ASB4: variants seen among roughly 807,000 people sequenced by gnomAD.
ASB4 encodes ankyrin repeat and SOCS box protein 4.
Under a neutral mutation model 38.6 loss-of-function variants are expected in ASB4, and 35 were observed. The ratio of observed to expected loss-of-function variants is 0.91; its 90% CI spans 0.69 to 1.20. The LOEUF (loss-of-function observed/expected upper bound fraction) is 1.20. Ranked by LOEUF, ASB4 falls within the 50% of genes most tolerant of loss-of-function variation. ASB4 has a pLI of 0.00. For missense variants in ASB4, 557 were observed against 527.2 expected, an observed-to-expected ratio of 1.06 and a Z score of -0.55; for synonymous variants, 195 against 201.3, an observed-to-expected ratio of 0.97 and a Z score of 0.26.
At chr7:95,481,467 T>C (rs137946470), upstream of ASB4, among the ~76,000 whole-genome samples, 24 of 152,342 alleles carry the variant, frequency 1.6e-4, no homozygotes, top group Non-Finnish European at 3.1e-4. Flanking sequence ...TCCATTTCTG[T>C]AATAGCAAGG....
At position 95,528,111 on chromosome 7, in the gene ASB4, C is replaced by T. The variant is rs1410380602; in HGVS notation, c.786C>T (p.Asn262=). ...FKSPLHKAAW[N]CDHVLMHMML... ...CTCCCCTCCACAAGGCAGCCTGGAA[C>T]TGTGACCACGTGCTCATGCACATGA... Residue 262 remains asparagine (N), a synonymous_variant, in exon 3 of 5, where the codon AAC becomes AAT. Transcript: ENST00000325885. The T allele has an allele frequency of 6.2e-7, 1 of 1,614,218 alleles. No homozygotes were observed. The highest frequency in any genetic ancestry group is 2.2e-5 in the East Asian group (1 of 44,864).
chr7:95,549,930 C>A, the ASB4 span, among the ~76,000 whole-genome samples: 1 of 152,142 alleles, frequency 6.6e-6, no homozygotes, highest in Admixed American at 6.5e-5. Flanking sequence ...CAGCAAGGAG[C>A]ACTGGTGTTA....
Position 95,539,288 on chromosome 7 carries a change from C to T in ASB4, c.*1529C>T, listed in dbSNP as rs1162715459. On this transcript the variant is annotated 3_prime_UTR_variant, in exon 5 of 5. Transcript: ENST00000325885. Reference sequence around the variant, plus strand: ...TAGGCTATCATTTAATGTTAACTGGCAATCACCTAACTGGTTAATCTCAGT... The same window carrying T: ...TAGGCTATCATTTAATGTTAACTGGTAATCACCTAACTGGTTAATCTCAGT... The T allele has an allele frequency of 6.6e-6, 1 of 152,150 alleles. No homozygotes were observed. Among genetic ancestry groups the T allele is most frequent in the Non-Finnish European group, 1.5e-5 (1 of 68,026 alleles). The allele number at this position is 152,150 out of a possible 1,614,324, so 9.4% of individuals were successfully genotyped here.
Position 95,527,980 on chromosome 7 carries a change from G to GC in ASB4, c.658dup (p.Leu220ProfsTer4), listed in dbSNP as rs1391686260. 18 of 1,614,044 alleles carry GC rather than the reference G, an allele frequency of 1.1e-5. No individual in the cohort carries two copies. The highest frequency in any genetic ancestry group is 1.4e-5 in the Non-Finnish European group (17 of 1,180,018). ...CCCCCTGGCCATCGCCGCCTACTGG[G>GC]CCCTCCGCTTTAAGGAGCAGGAGTA... On this transcript the variant is annotated frameshift_variant, in exon 3 of 5. Transcript: ENST00000325885. LOFTEE classifies it high-confidence loss of function.
chr7:95,535,963 C>T (rs1790883894), intron 3 of ASB4, among the ~76,000 whole-genome samples: 2 of 152,110 alleles, frequency 1.3e-5, no homozygotes, highest in African/African-American at 4.8e-5. Flanking sequence ...GAAGAGTTTC[C>T]CAGGCAGCTG....
chr7:95,498,277 C>T (rs185115121), intron 2 of ASB4, among the ~76,000 whole-genome samples: 6 of 152,168 alleles, frequency 3.9e-5, no homozygotes, highest in African/African-American at 1.2e-4. Context: ...TTGAGTTCAG[C>T]GTGGGCAACA....
intron 2 of ASB4, among the ~76,000 whole-genome samples, chr7:95,503,926 T>A (rs1306887784): frequency 6.6e-6 from 1 of 152,196 alleles, no homozygotes; most frequent in Admixed American, 6.5e-5. Flanking sequence ...TTTGTCCCCA[T>A]GCTGGATTTT....
At chr7:95,507,804 G>C (rs559887479) in intron 2 of ASB4, among the ~76,000 whole-genome samples, 130 of 152,280 alleles carry the variant, frequency 8.5e-4, no homozygotes, top group African/African-American at 3.0e-3. Flanking sequence ...GAGTATGTCA[G>C]GAAGGAGGGA....
At chr7:95,507,613 G>T (rs1266041368) in intron 2 of ASB4, among the ~76,000 whole-genome samples, 3 of 152,098 alleles carry the variant, frequency 2.0e-5, no homozygotes, top group Non-Finnish European at 2.9e-5. Flanking sequence ...AGACTGTTTT[G>T]CTTGGCAGAG....
intron 2 of ASB4, among the ~76,000 whole-genome samples, chr7:95,515,209 CTTTCTTTCTTTCTTTCTTTCTT>C (rs1790546771): frequency 1.5e-5 from 2 of 129,514 alleles, no homozygotes; most frequent in African/African-American, 7.0e-5. Flanking sequence ...TTCTTTCTTT[CTTTCTTTCTTTCTTTCTTTCTT>C]TTTCTTTCTT....
intron 3 of ASB4, chr7:95,528,515 A>T: frequency 7.0e-7 from 1 of 1,428,840 alleles, no homozygotes; most frequent in Non-Finnish European, 9.1e-7. Context: ...AGCTAGAATG[A>T]GAAAAAGAGT....
chr7:95,547,610 T>C, the ASB4 span, among the ~76,000 whole-genome samples: 1 of 152,266 alleles, frequency 6.6e-6, no homozygotes, highest in African/African-American at 2.4e-5. Context: ...TTTTGTGTGT[T>C]AACTTGGCTA....
At chr7:95,545,971 G>T in the ASB4 span, among the ~76,000 whole-genome samples, 1 of 152,184 alleles carries the variant, frequency 6.6e-6, no homozygotes, top group African/African-American at 2.4e-5. Flanking sequence ...AATCATAAAA[G>T]AATTAGTTAT....
At chr7:95,530,323 G>T (rs1320258810) in intron 3 of ASB4, among the ~76,000 whole-genome samples, 1 of 152,038 alleles carries the variant, frequency 6.6e-6, no homozygotes, top group African/African-American at 2.4e-5. Context: ...AAATTAGCTG[G>T]GTGTTGTGGC....
Position 95,539,684 on chromosome 7 carries a change from A to C in ASB4, c.*1925A>C, listed in dbSNP as rs1408055235. 1 of 152,394 alleles carries C rather than the reference A, an allele frequency of 6.6e-6. No individual in the cohort carries two copies. Among genetic ancestry groups the C allele is most frequent in the Non-Finnish European group, 1.5e-5 (1 of 68,188 alleles). 9.4% of individuals were successfully genotyped at this position (152,394 alleles called of 1,614,324 possible). Reference sequence around the variant, plus strand: ...ACTTATAAGTGGGAGCTAAGCAATGAGGATGCAAAGACATCCAGAGTGATA... The same window carrying C: ...ACTTATAAGTGGGAGCTAAGCAATGCGGATGCAAAGACATCCAGAGTGATA... On this transcript the variant is annotated 3_prime_UTR_variant, in exon 5 of 5. Coordinates refer to ENST00000325885, the MANE Select transcript of ASB4 (RefSeq NM_016116.3).
chr7:95,499,147 T>G (rs1030935680), intron 2 of ASB4, among the ~76,000 whole-genome samples: 3 of 152,196 alleles, frequency 2.0e-5, no homozygotes, highest in African/African-American at 7.2e-5. Flanking sequence ...AGTGAAAATG[T>G]CAAGGATGCA....
the ASB4 span, among the ~76,000 whole-genome samples, chr7:95,549,971 G>C: frequency 1.3e-5 from 2 of 152,178 alleles, no homozygotes; most frequent in South Asian, 2.1e-4. Context: ...CACAGGGTGA[G>C]TAATCATGCC....
At chr7:95,508,688 C>G (rs1790442315) in intron 2 of ASB4, among the ~76,000 whole-genome samples, 1 of 152,016 alleles carries the variant, frequency 6.6e-6, no homozygotes, top group Non-Finnish European at 1.5e-5. Context: ...TTTAGGGTCA[C>G]TCATAATGGC....
At chr7:95,481,624 G>C (rs1287150419), upstream of ASB4, among the ~76,000 whole-genome samples, 1 of 152,118 alleles carries the variant, frequency 6.6e-6, no homozygotes. Context: ...TCAAATTCAT[G>C]TTTAAATGCC....
Sources: allele counts gnomAD v4.1 joint callset (sites outside exome capture counted in the v4.1 genomes callset), GRCh38; gene constraint gnomAD v4.1.1; transcripts MANE v1.5; gene names NCBI Gene and HGNC (gene_info 2026-07-23, HGNC 2026-07-21).